The following DNM3 variants were observed in gnomAD, a reference collection of about 807,000 sequenced individuals.
The protein encoded by DNM3 is dynamin 3.
DNM3 carries 47 observed loss-of-function variants against 101.6 expected under a neutral mutation model. The ratio of observed to expected loss-of-function variants is 0.46; its 90% CI spans 0.37 to 0.59. The LOEUF is 0.59. Among genes scored for constraint, DNM3 ranks in the 20% least tolerant of loss-of-function variants. The probability of loss-of-function intolerance (pLI) is 0.00; values close to 1 mark genes in which losing one functional copy is unlikely to be tolerated. For missense variants in DNM3, 849 were observed against 1,085.7 expected, an observed-to-expected ratio of 0.78 and a Z score of 3.06; for synonymous variants, 385 against 387.9, an observed-to-expected ratio of 0.99 and a Z score of 0.09.
intron 15 of DNM3, among the ~76,000 whole-genome samples, chr1:172,302,531 T>C (rs1018419323): frequency 2.6e-5 from 4 of 152,212 alleles, no homozygotes; most frequent in Admixed American, 2.6e-4. Context: ...TCTCCCAGCA[T>C]GATGTTTGAG....
At position 172,289,768 on chromosome 1, in the gene DNM3, G is replaced by T. The variant is rs981437528; in HGVS notation, c.1770-18960G>T. ...TGTGTGTAAGGTTGTTTAGTAAACA[G>T]TGTGTAATTATACTTTTGAGTTACT... On this transcript the variant is annotated intron_variant, in intron 15 of 20. Transcript: ENST00000627582. The T allele has an allele frequency of 1.0e-5, 10 of 985,060 alleles. No individual in the cohort carries two copies. In the African/African-American group the frequency reaches 1.6e-4, roughly 15 times the overall value. The allele number at this position is 985,060 out of a possible 1,614,324, so 61.0% of individuals were successfully genotyped here. A position where few individuals can be genotyped will look rare whatever the true frequency, so the allele number is the denominator to read the frequency against.
rs766757236 is a variant in DNM3, at chr1:172,308,887, A to C, written c.1881+48A>C. The C allele has an allele frequency of 6.7e-5, 75 of 1,124,406 alleles. No homozygotes were observed. In the South Asian group the frequency reaches 1.1e-3, roughly 16 times the overall value. 69.7% of individuals were successfully genotyped at this position (1,124,406 alleles called of 1,614,324 possible). A position where few individuals can be genotyped will look rare whatever the true frequency, so the allele number is the denominator to read the frequency against. ...GTAAAAATTATTATTAGCTATGCTT[A>C]AGAAAATATTAATCCTACATACCAT... On this transcript the variant is annotated intron_variant, in intron 16 of 20. Coordinates refer to ENST00000627582, the MANE Select transcript of DNM3 (RefSeq NM_015569.5).
At chr1:172,218,340 AT>A (rs547275037) in intron 14 of DNM3, among the ~76,000 whole-genome samples, 338 of 148,988 alleles carry the variant, frequency 2.3e-3, no homozygotes, top group South Asian at 9.1e-3. Context: ...GTACATGAAG[AT>A]TTTTTTTTTT....
intron 11 of DNM3, among the ~76,000 whole-genome samples, chr1:172,074,869 T>C (rs568945383): frequency 7.3e-4 from 111 of 152,246 alleles, no homozygotes; most frequent in Non-Finnish European, 4.4e-4. Flanking sequence ...TTGCTGGTTC[T>C]AGGTCATTGA....
intron 2 of DNM3, among the ~76,000 whole-genome samples, chr1:171,968,042 C>T (rs887946787): frequency 2.0e-5 from 3 of 152,104 alleles, no homozygotes; most frequent in African/African-American, 7.2e-5. Flanking sequence ...GGAAGCCTTC[C>T]CTCTGCCACT....
intron 14 of DNM3, among the ~76,000 whole-genome samples, chr1:172,134,207 G>T (rs145457500): frequency 6.6e-6 from 1 of 152,158 alleles, no homozygotes; most frequent in Non-Finnish European, 1.5e-5. Context: ...GCTACACACA[G>T]CTATGATTGA....
chr1:171,999,460 C>G (rs574527569), intron 4 of DNM3, among the ~76,000 whole-genome samples: 1 of 152,180 alleles, frequency 6.6e-6, no homozygotes, highest in East Asian at 1.9e-4. Flanking sequence ...ATCTGAGATG[C>G]TCATTAAACA....
intron 10 of DNM3, among the ~76,000 whole-genome samples, chr1:172,064,962 C>G (rs1322487406): frequency 6.6e-6 from 1 of 152,280 alleles, no homozygotes; most frequent in East Asian, 1.9e-4. Flanking sequence ...AATTGTGGCT[C>G]TTACAGATTC....
intron 20 of DNM3, chr1:172,399,749 T>C (rs1358989689): frequency 6.6e-6 from 1 of 152,160 alleles, no homozygotes; most frequent in Non-Finnish European, 1.5e-5. Context: ...GGTAATTCTT[T>C]TTCTTCATAT....
intron 15 of DNM3, among the ~76,000 whole-genome samples, chr1:172,297,074 C>T (rs76716541): frequency 3.4e-5 from 5 of 148,210 alleles, no homozygotes; most frequent in African/African-American, 1.0e-4. Flanking sequence ...ACCTGGGAGG[C>T]GGAGGCTCCA....
intron 4 of DNM3, among the ~76,000 whole-genome samples, chr1:172,020,703 G>A (rs1455650457): frequency 4.7e-5 from 6 of 127,572 alleles, no homozygotes; most frequent in South Asian, 2.5e-4. Flanking sequence ...CAGCCTGGGC[G>A]ACAGTGTGAG....
At chr1:172,198,297 G>A (rs2060027508) in intron 14 of DNM3, among the ~76,000 whole-genome samples, 1 of 152,116 alleles carries the variant, frequency 6.6e-6, no homozygotes, top group South Asian at 2.1e-4. Flanking sequence ...GCTTTTTGAT[G>A]TGCTGCTGGA....
chr1:171,942,209 T>TTTTTC (rs1418750589), intron 2 of DNM3, among the ~76,000 whole-genome samples: 1 of 149,498 alleles, frequency 6.7e-6, no homozygotes, highest in Non-Finnish European at 1.5e-5. Flanking sequence ...TGATTTTTTT[T>TTTTTC]TTTTTTTTTT....
chr1:172,080,237 C>G (rs1186981357), intron 11 of DNM3, among the ~76,000 whole-genome samples: 2 of 152,314 alleles, frequency 1.3e-5, no homozygotes, highest in African/African-American at 4.8e-5. Context: ...GCCCCTTCCC[C>G]CAGGTGCTCT....
intron 1 of DNM3, among the ~76,000 whole-genome samples, chr1:171,896,412 G>A (rs181069576): frequency 0.012 from 1,890 of 152,292 alleles, 20 homozygotes; most frequent in Middle Eastern, 0.02. Context: ...TTGTGAATGG[G>A]AGTTCACTCA....
chr1:171,938,130 C>G (rs189103414), intron 2 of DNM3, among the ~76,000 whole-genome samples: 7 of 151,466 alleles, frequency 4.6e-5, no homozygotes, highest in African/African-American at 1.5e-4. Context: ...GTGCTTTGAA[C>G]ATAACCAGGC....
intron 13 of DNM3, among the ~76,000 whole-genome samples, chr1:172,123,966 T>G (rs1275741576): frequency 6.6e-6 from 1 of 152,118 alleles, no homozygotes; most frequent in Non-Finnish European, 1.5e-5. Flanking sequence ...GCACCACTAG[T>G]GGACAGAAAG....
At chr1:172,120,425 T>C (rs779987945) in intron 13 of DNM3, among the ~76,000 whole-genome samples, 9 of 152,214 alleles carry the variant, frequency 5.9e-5, no homozygotes, top group Non-Finnish European at 1.3e-4. Flanking sequence ...GAAATTTGCA[T>C]GGGGACAGAG....
At chr1:172,183,456 A>T (rs778171090) in intron 14 of DNM3, among the ~76,000 whole-genome samples, 1 of 152,162 alleles carries the variant, frequency 6.6e-6, no homozygotes, top group African/African-American at 2.4e-5. Context: ...AGGAAAATAC[A>T]GTGATTCTGG....
Sources: allele counts gnomAD v4.1 joint callset (sites outside exome capture counted in the v4.1 genomes callset), GRCh38; gene constraint gnomAD v4.1.1; transcripts MANE v1.5; gene names NCBI Gene and HGNC (gene_info 2026-07-23, HGNC 2026-07-21).